CLPP: variants seen among roughly 807,000 people sequenced by gnomAD.
CLPP encodes the protein ATP-dependent Clp protease proteolytic subunit, mitochondrial.
CLPP carries 14 observed loss-of-function variants against 27.4 expected under a neutral mutation model. The ratio of observed to expected loss-of-function variants is 0.51; its 90% CI spans 0.34 to 0.80. The LOEUF is 0.80. Ranked by LOEUF, CLPP falls within the 30% of genes least tolerant of loss-of-function variation. CLPP has a pLI of 0.02. For synonymous variants in CLPP, 193 were observed against 166.6 expected (o/e 1.16, Z -1.22); for missense variants, 361 against 403.6 (o/e 0.89, Z 0.90).
chr19:6,363,415 G>A (rs1449956277), intron 3 of CLPP, among the ~76,000 whole-genome samples: 6 of 152,000 alleles, frequency 3.9e-5, no homozygotes, highest in East Asian at 1.9e-4. Context: ...GAGCCACCAC[G>A]CCTGGCCTGA....
chr19:6,364,890 G>A (rs577069012), intron 4 of CLPP: 5 of 394,390 alleles, frequency 1.3e-5, no homozygotes, highest in Middle Eastern at 6.9e-4. Context: ...CACCACGCTC[G>A]GCTTTTTGTA....
chr19:6,362,175 C>T, intron 2 of CLPP: 2 of 602,394 alleles, frequency 3.3e-6, no homozygotes, highest in African/African-American at 3.7e-5. Flanking sequence ...GCACCGCTCC[C>T]CTCATTCCTA....
chr19:6,361,993 C>G (rs185420962), intron 2 of CLPP, 53 bp downstream of exon 2: 54,577 of 1,517,932 alleles, frequency 0.036, 1,128 homozygotes, highest in Non-Finnish European at 0.042. Context: ...CGCCTGCCGA[C>G]ACTCCCTGCG....
At chr19:6,367,229 G>A (rs1345210120) in intron 5 of CLPP, among the ~76,000 whole-genome samples, 4 of 151,918 alleles carry the variant, frequency 2.6e-5, no homozygotes, top group Admixed American at 1.3e-4. Flanking sequence ...ACAAAAACTA[G>A]CCAGGTGTGT....
At chr19:6,367,570 G>C (rs1057247429) in intron 5 of CLPP, among the ~76,000 whole-genome samples, 1 of 151,880 alleles carries the variant, frequency 6.6e-6, no homozygotes, top group Non-Finnish European at 1.5e-5. Flanking sequence ...AGTGACTGTC[G>C]TGGGCCCAAG....
At chr19:6,364,346 AAGG>A in intron 3 of CLPP, 103 bp from the exon 4 acceptor site, 2 of 1,066,288 alleles carry the variant, frequency 1.9e-6, no homozygotes, top group South Asian at 1.5e-5. Context: ...ATTTTTAAAA[AAGG>A]AGGGGGGCTG....
At chr19:6,365,467 CT>C (rs749291160) in intron 4 of CLPP, among the ~76,000 whole-genome samples, 59 of 152,218 alleles carry the variant, frequency 3.9e-4, no homozygotes, top group Non-Finnish European at 4.7e-4. Flanking sequence ...GAGCAAGACT[CT>C]GTCTCAAAAC....
At chr19:6,366,685 C>G (rs1347216676) in intron 5 of CLPP, among the ~76,000 whole-genome samples, 2 of 152,056 alleles carry the variant, frequency 1.3e-5, no homozygotes, top group Admixed American at 1.3e-4. Flanking sequence ...GTCGCTCAGG[C>G]TGGAATGCAG....
rs763768336 is a variant in CLPP, at chr19:6,361,746, C to T, written c.172C>T (p.Leu58Phe). The change falls in exon 1 of 6, where the codon CTC becomes TTC. Residue 58 changes from leucine (L) to phenylalanine (F), a missense_variant. Transcript: ENST00000245816. ...CGCGACGGCGACCCGGGCTCTCCCG[C>T]TCATTCCCATCGTGGTGGAGCAGAC... ...LHATATRALP[L>F]IPIVVEQTGR... 5.9e-6 allele frequency: 9 copies of T among 1,526,872 alleles called. No homozygotes were observed. The East Asian group carries it at 1.4e-4, about 24-fold the overall frequency. 94.6% of individuals were successfully genotyped at this position (1,526,872 alleles called of 1,614,324 possible).
At position 6,361,738 on chromosome 19, in the gene CLPP, C is replaced by G. The variant is rs897243985; in HGVS notation, c.164C>G (p.Ala55Gly). Reference sequence around the variant, plus strand: ...TGCCTGCACGCGACGGCGACCCGGGCTCTCCCGCTCATTCCCATCGTGGTG... The same window carrying G: ...TGCCTGCACGCGACGGCGACCCGGGGTCTCCCGCTCATTCCCATCGTGGTG... ...QRCLHATATR[A>G]LPLIPIVVEQ... The change falls in exon 1 of 6, where the codon GCT (alanine) becomes GGT (glycine). Residue 55 changes from alanine (A) to glycine (G), a missense_variant. Coordinates refer to ENST00000245816, the MANE Select transcript of CLPP (RefSeq NM_006012.4). The G allele has an allele frequency of 1.3e-6, 2 of 1,516,248 alleles. No homozygotes were observed. Among genetic ancestry groups the G allele is most frequent in the African/African-American group, 2.7e-5 (2 of 72,830 alleles). The allele number at this position is 1,516,248 out of a possible 1,614,324, so 93.9% of individuals were successfully genotyped here. A position where few individuals can be genotyped will look rare whatever the true frequency, so the allele number is the denominator to read the frequency against.
At position 6,362,162 on chromosome 19, in the gene CLPP, C is replaced by T. The variant is rs190571355; in HGVS notation, c.270+222C>T. On this transcript the variant is annotated intron_variant, in intron 2 of 5. Coordinates refer to ENST00000245816, the MANE Select transcript of CLPP (RefSeq NM_006012.4). ...TAATCTCCGACTTCCTTCCTGACAC[C>T]TGGCACCGCTCCCCTCATTCCTACG... is the stretch of plus-strand genomic sequence containing the variant. 36 of 602,582 alleles carry T rather than the reference C, an allele frequency of 6.0e-5. No homozygotes were observed. In the African/African-American group the frequency reaches 6.3e-4, roughly 11 times the overall value. The allele number at this position is 602,582 out of a possible 1,614,324, so 37.3% of individuals were successfully genotyped here.
At chr19:6,363,229 C>T (rs1047522924) in intron 3 of CLPP, among the ~76,000 whole-genome samples, 1 of 151,436 alleles carries the variant, frequency 6.6e-6, no homozygotes, top group Non-Finnish European at 1.5e-5. Context: ...TGGGTTCAAG[C>T]GATTCTCCAG....
chr19:6,364,134 C>T (rs1317658157), intron 3 of CLPP, among the ~76,000 whole-genome samples: 1 of 151,096 alleles, frequency 6.6e-6, no homozygotes, highest in African/African-American at 2.4e-5. Flanking sequence ...GGGTTCACGC[C>T]ATTCTGCTGC....
chr19:6,366,371 C>A lies in CLPP; in HGVS notation c.661+8C>A, dbSNP rs1345926479. On this transcript the variant is annotated splice_region_variant and intron_variant, in intron 5 of 5. Coordinates refer to ENST00000245816, the MANE Select transcript of CLPP (RefSeq NM_006012.4). ...AGAGCCTGCAGGTGATCGGTAAGCA[C>A]CCTCCTTTATTTCATCCTGGTCCGT... 2 of 1,597,162 alleles carry A rather than the reference C, an allele frequency of 1.3e-6. No homozygotes were observed. Among genetic ancestry groups the A allele is most frequent in the East Asian group, 2.2e-5 (1 of 44,678 alleles).
chr19:6,367,286 A>C (rs1173353433), intron 5 of CLPP, among the ~76,000 whole-genome samples: 1 of 151,476 alleles, frequency 6.6e-6, no homozygotes, highest in African/African-American at 2.4e-5. Context: ...GAGGCATGAG[A>C]ATCGCTTGAA....
chr19:6,365,846 G>A (rs1348706148), intron 4 of CLPP, among the ~76,000 whole-genome samples: 1 of 150,744 alleles, frequency 6.6e-6, no homozygotes, highest in Admixed American at 6.6e-5. Context: ...GCCAGGCATG[G>A]TGGCTCATGC....
intron 1 of CLPP, 30 bp from the exon 2 acceptor site, chr19:6,361,839 G>A (rs776338771): frequency 4.9e-6 from 7 of 1,422,146 alleles, no homozygotes; most frequent in Admixed American, 1.9e-5. Flanking sequence ...TGGCTGCCCC[G>A]GCCCCTCACC....
intron 5 of CLPP, 93 bp from the exon 6 acceptor site, chr19:6,368,445 T>C: frequency 8.0e-7 from 1 of 1,247,358 alleles, no homozygotes; most frequent in African/African-American, 1.5e-5. Context: ...CTTGGGGTGG[T>C]GGGCACAAAC....
rs61441319 is a variant in CLPP, at chr19:6,369,414, C to CAA, written c.*718_*719dup. ...TGGGCAACAGAGCAAGGCTCTGTCT[C>CAA]AAAAAAAAAAAAAAACAAAAACAGG... On this transcript the variant is annotated 3_prime_UTR_variant, in exon 6 of 6. Transcript: ENST00000245816. Among the ~76,000 whole-genome samples, 22 of 115,136 alleles carry CAA rather than the reference C, an allele frequency of 1.9e-4. No individual in the cohort carries two copies. The highest frequency in any genetic ancestry group is 2.8e-4 in the African/African-American group (10 of 35,146). The allele number at this position is 115,136 out of a possible 152,430, so 75.5% of individuals were successfully genotyped here.
Sources: gnomAD v4.1 joint callset for allele counts (sites outside exome capture counted in the v4.1 genomes callset) on GRCh38, gnomAD v4.1.1 for gene constraint, MANE v1.5 for transcripts, NCBI Gene and HGNC (gene_info 2026-07-23, HGNC 2026-07-21) for gene names.